NDUFA8: variants seen among roughly 807,000 people sequenced by gnomAD.
NDUFA8 encodes the protein NADH:ubiquinone oxidoreductase subunit A8.
Under a neutral mutation model 20.9 loss-of-function variants are expected in NDUFA8, and 16 were observed. The observed-to-expected ratio is 0.77, with a 90% CI of 0.52 to 1.16. The LOEUF is 1.16. Ranked by LOEUF, NDUFA8 falls within the 50% of genes most tolerant of loss-of-function variation. The pLI is 0.00. For missense variants in NDUFA8, 202 were observed against 216.4 expected (o/e 0.93, Z 0.42); for synonymous variants, 70 against 76.1 (o/e 0.92, Z 0.41).
At chr9:122,152,151 TC>T in intron 2 of NDUFA8, 93 bp downstream of exon 2, 1 of 1,400,614 alleles carries the variant, frequency 7.1e-7, no homozygotes, top group Non-Finnish European at 1.0e-6. Context: ...CCTATGTACT[TC>T]CTAATAAAAT....
Position 122,144,318 on chromosome 9 carries a change from G to T in NDUFA8, c.442C>A (p.Pro148Thr). 1 of 1,614,160 alleles carries T rather than the reference G, an allele frequency of 6.2e-7. No individual in the cohort carries two copies. Residue 148 changes from proline (P) to threonine (T), a missense_variant, in exon 4 of 4, where the codon CCG becomes ACG. Coordinates refer to ENST00000373768, the MANE Select transcript of NDUFA8 (RefSeq NM_014222.3). ...CCCTCGATCTCAGGGCTGGGATCCG[G>T]TCTTGGTCTTGAGTGATAGGGATTC... The part of the protein sequence containing the change: ...PENPYHSRPR[P>T]DPSPEIEGDL...
chr9:122,132,875 G>A, the NDUFA8 span: 1 of 455,370 alleles, frequency 2.2e-6, no homozygotes, highest in Non-Finnish European at 4.4e-6. Flanking sequence ...GGAAATAGAA[G>A]TGTCGTTGTT....
chr9:122,145,854 A>C (rs532212758), intron 3 of NDUFA8, among the ~76,000 whole-genome samples: 47 of 152,370 alleles, frequency 3.1e-4, no homozygotes, highest in African/African-American at 1.1e-3. Context: ...GGAATTAAAG[A>C]CATTTATGAA....
At chr9:122,146,467 CAACT>C (rs1825346332) in intron 3 of NDUFA8, among the ~76,000 whole-genome samples, 4 of 152,200 alleles carry the variant, frequency 2.6e-5, no homozygotes, top group African/African-American at 9.6e-5. Flanking sequence ...CTAGAATTAT[CAACT>C]ATTTAAAATA....
At chr9:122,151,571 A>C (rs375021495) in intron 2 of NDUFA8, among the ~76,000 whole-genome samples, 48 of 152,204 alleles carry the variant, frequency 3.2e-4, no homozygotes, top group Middle Eastern at 6.3e-3. Flanking sequence ...CAACAGAGAA[A>C]ACCAGAACTA....
intron 1 of NDUFA8, among the ~76,000 whole-genome samples, chr9:122,156,962 A>G (rs1041391975): frequency 6.6e-6 from 1 of 152,188 alleles, no homozygotes; most frequent in African/African-American, 2.4e-5. Flanking sequence ...ATCTCCCTAA[A>G]TGACAATTCT....
intron 1 of NDUFA8, among the ~76,000 whole-genome samples, chr9:122,158,069 C>A (rs1309556934): frequency 6.6e-6 from 1 of 152,188 alleles, no homozygotes; most frequent in Admixed American, 6.5e-5. Flanking sequence ...AGCAGAATCG[C>A]TTGAACCCGG....
chr9:122,135,278 T>C, the NDUFA8 span, among the ~76,000 whole-genome samples: 67,980 of 152,210 alleles, frequency 0.45, 18,150 homozygotes, highest in Middle Eastern at 0.63. Flanking sequence ...TCACGGAATC[T>C]ACAAAACCAC....
rs1165682167 is a variant in NDUFA8 at position 122,148,204 on chromosome 9, A to AT, written c.288dup (p.Phe97IlefsTer12). On this transcript the variant is annotated frameshift_variant, in exon 3 of 4. Coordinates refer to ENST00000373768, the MANE Select transcript of NDUFA8 (RefSeq NM_014222.3). LOFTEE classifies it high-confidence loss of function. Reference sequence around the variant, plus strand: ...GCCTGCTGTTTGCGACAGTGACGAAATAACTGCTGGCCAGTATAATCAATG... The same window carrying AT: ...GCCTGCTGTTTGCGACAGTGACGAAATTAACTGCTGGCCAGTATAATCAATG... 2 of 1,614,202 alleles carry AT rather than the reference A, an allele frequency of 1.2e-6. No individual in the cohort carries two copies. The highest frequency in any genetic ancestry group is 1.7e-6 in the Non-Finnish European group (2 of 1,180,048).
the NDUFA8 span, among the ~76,000 whole-genome samples, chr9:122,136,649 C>T: frequency 2.6e-5 from 4 of 152,020 alleles, no homozygotes; most frequent in East Asian, 3.9e-4. Flanking sequence ...CTTTGCCTCC[C>T]GGGTTCAAGT....
intron 3 of NDUFA8, among the ~76,000 whole-genome samples, chr9:122,147,017 T>A (rs904360323): frequency 1.3e-5 from 2 of 152,218 alleles, no homozygotes; most frequent in African/African-American, 2.4e-5. Context: ...AGATGCTTTA[T>A]CTCACCAGCA....
the NDUFA8 span, among the ~76,000 whole-genome samples, chr9:122,136,008 T>G: frequency 6.6e-6 from 1 of 152,200 alleles, no homozygotes; most frequent in Non-Finnish European, 1.5e-5. Flanking sequence ...GCCATGTAAT[T>G]TGACATACAA....
At chr9:122,135,503 A>G in the NDUFA8 span, among the ~76,000 whole-genome samples, 68,774 of 152,038 alleles carry the variant, frequency 0.45, 18,296 homozygotes, top group Middle Eastern at 0.63. Flanking sequence ...TCATGCTTCC[A>G]TTACCAATCA....
At chr9:122,140,469 G>A (rs574643059), downstream of NDUFA8, among the ~76,000 whole-genome samples, 63 of 152,270 alleles carry the variant, frequency 4.1e-4, no homozygotes, top group Middle Eastern at 6.8e-3. Flanking sequence ...AGAGTTACTC[G>A]CATTTCTACC....
intron 2 of NDUFA8, among the ~76,000 whole-genome samples, chr9:122,150,238 G>A (rs939584070): frequency 3.3e-5 from 5 of 151,470 alleles, no homozygotes; most frequent in Non-Finnish European, 7.4e-5. Context: ...GTGAAACCCC[G>A]TCTCTACTAA....
the NDUFA8 span, among the ~76,000 whole-genome samples, chr9:122,137,475 A>C: frequency 6.6e-6 from 1 of 151,918 alleles, no homozygotes. Flanking sequence ...TCCTGAACTC[A>C]AGTGATCCAC....
intron 1 of NDUFA8, among the ~76,000 whole-genome samples, chr9:122,157,274 C>G (rs1829089364): frequency 6.6e-6 from 1 of 152,198 alleles, no homozygotes; most frequent in Admixed American, 6.5e-5. Flanking sequence ...TTAGTCATGT[C>G]TTACATTATG....
At chr9:122,148,339 G>GA (rs1461955838) in intron 2 of NDUFA8, 62 bp from the exon 3 acceptor site, 29 of 1,568,806 alleles carry the variant, frequency 1.8e-5, no homozygotes, top group East Asian at 2.2e-5. Context: ...AGAAAAGTGA[G>GA]AAAAAAATAG....
chr9:122,140,859 A>G (rs1000382584), downstream of NDUFA8, among the ~76,000 whole-genome samples: 2 of 152,198 alleles, frequency 1.3e-5, no homozygotes, highest in African/African-American at 2.4e-5. Context: ...AAGGTTAAGT[A>G]TCTTCTCTAG....
Sources: allele counts gnomAD v4.1 joint callset (sites outside exome capture counted in the v4.1 genomes callset), GRCh38; gene constraint gnomAD v4.1.1; transcripts MANE v1.5; gene names NCBI Gene and HGNC (gene_info 2026-07-23, HGNC 2026-07-21).